Variants in ZSCAN5A observed in about 807,000 individuals in gnomAD.
The protein encoded by ZSCAN5A is zinc finger and SCAN domain-containing protein 5A.
In ZSCAN5A, 12 loss-of-function variants were observed where a neutral mutation model predicts 23.7. The ratio of observed to expected loss-of-function variants is 0.51; its 90% CI spans 0.32 to 0.82. ZSCAN5A has a LOEUF of 0.82. Among genes scored for constraint, ZSCAN5A ranks in the 40% least tolerant of loss-of-function variants. The pLI is 0.03. For synonymous variants in ZSCAN5A, 257 were observed against 239.9 expected (o/e 1.07, Z -0.66); for missense variants, 597 against 617.9 (o/e 0.97, Z 0.36).
intron 2 of ZSCAN5A, chr19:56,302,041 A>G: frequency 8.1e-7 from 1 of 1,231,994 alleles, no homozygotes; most frequent in Non-Finnish European, 1.0e-6. Context: ...ACTTCCTGAA[A>G]TGCGCCTACA....
chr19:56,229,049 C>A (rs201974046), intron 2 of ZSCAN5A, among the ~76,000 whole-genome samples: 44 of 152,060 alleles, frequency 2.9e-4, no homozygotes, highest in Admixed American at 1.1e-3. Context: ...CTCTCAAGCA[C>A]GAAAAGCCTT....
chr19:56,290,102 A>G (rs1017830321), intron 2 of ZSCAN5A, among the ~76,000 whole-genome samples: 1 of 152,238 alleles, frequency 6.6e-6, no homozygotes, highest in African/African-American at 2.4e-5. Flanking sequence ...TTTTTCAAAA[A>G]GACAGATTTC....
At chr19:56,302,033 T>G in intron 2 of ZSCAN5A, 1 of 1,232,012 alleles carries the variant, frequency 8.1e-7, no homozygotes, top group Non-Finnish European at 1.0e-6. Flanking sequence ...CACGTGGAAC[T>G]TCCTGAAATG....
intron 2 of ZSCAN5A, among the ~76,000 whole-genome samples, chr19:56,331,292 T>C (rs1471896829): frequency 6.6e-6 from 1 of 151,966 alleles, no homozygotes; most frequent in Non-Finnish European, 1.5e-5. Context: ...TATTCTTTGG[T>C]TTTAGATGAA....
At chr19:56,251,229 C>A (rs73621049) in intron 2 of ZSCAN5A, among the ~76,000 whole-genome samples, 1 of 151,352 alleles carries the variant, frequency 6.6e-6, no homozygotes, top group African/African-American at 2.4e-5. Flanking sequence ...GAAGACCCTT[C>A]TGTATTCAGT....
chr19:56,268,714 C>T (rs1207996459), intron 2 of ZSCAN5A, among the ~76,000 whole-genome samples: 1 of 152,046 alleles, frequency 6.6e-6, no homozygotes, highest in Admixed American at 6.6e-5. Flanking sequence ...GTTGTTCAAC[C>T]GTCACCCACA....
chr19:56,245,219 C>A (rs774907610), intron 2 of ZSCAN5A: 1 of 599,882 alleles, frequency 1.7e-6, no homozygotes, highest in East Asian at 3.3e-5. Context: ...TTTCTCTCTA[C>A]AGTCTGTGGT....
intron 2 of ZSCAN5A, among the ~76,000 whole-genome samples, chr19:56,250,578 T>C (rs2036266023): frequency 6.6e-6 from 1 of 152,158 alleles, no homozygotes; most frequent in South Asian, 2.1e-4. Context: ...CAGCTTTGCA[T>C]CAACTGAGCA....
At chr19:56,269,822 C>T (rs530588679) in intron 2 of ZSCAN5A, among the ~76,000 whole-genome samples, 4 of 152,226 alleles carry the variant, frequency 2.6e-5, no homozygotes, top group African/African-American at 4.8e-5. Flanking sequence ...CTCCTAGAGC[C>T]GGCAGAAGGA....
At chr19:56,324,391 C>CAACA (rs2041413161) in intron 2 of ZSCAN5A, among the ~76,000 whole-genome samples, 1 of 152,036 alleles carries the variant, frequency 6.6e-6, no homozygotes, top group African/African-American at 2.4e-5. Flanking sequence ...AAACTCTGTT[C>CAACA]AACATCAGCA....
chr19:56,334,149 A>C (rs2041514172), intron 2 of ZSCAN5A, among the ~76,000 whole-genome samples: 2 of 152,230 alleles, frequency 1.3e-5, no homozygotes, highest in Non-Finnish European at 2.9e-5. Flanking sequence ...CACCAGTGTC[A>C]ACCATGTACC....
chr19:56,270,026 CTG>C (rs2037736061), intron 2 of ZSCAN5A, among the ~76,000 whole-genome samples: 1 of 152,016 alleles, frequency 6.6e-6, no homozygotes, highest in South Asian at 2.1e-4. Flanking sequence ...GACTCAATGT[CTG>C]TGATTCTAAC....
chr19:56,359,952 C>A (rs1015958836), intron 2 of ZSCAN5A, among the ~76,000 whole-genome samples: 1 of 152,144 alleles, frequency 6.6e-6, no homozygotes, highest in Admixed American at 6.5e-5. Flanking sequence ...TTATGACAAA[C>A]CGACAGCCAG....
rs746444953 is a variant in ZSCAN5A, at chr19:56,245,452, G to T, written c.-127-20279C>A. 33 of 612,830 alleles carry T rather than the reference G, an allele frequency of 5.4e-5. No homozygotes were observed. The Middle Eastern group carries it at 2.4e-3, about 45-fold the overall frequency. The allele number at this position is 612,830 out of a possible 1,614,324, so 38.0% of individuals were successfully genotyped here. On this transcript the variant is annotated intron_variant, in intron 2 of 5. Coordinates refer to ENST00000683990, the MANE Select transcript of ZSCAN5A (RefSeq NM_001322064.3). ...TGAGTGTGTGAGGCCCTGGTGTCTG[G>T]GCAGAGGTGGGAGAAGGAACAGGAG...
intron 2 of ZSCAN5A, among the ~76,000 whole-genome samples, chr19:56,275,611 T>C (rs1157694889): frequency 2.6e-5 from 4 of 152,214 alleles, no homozygotes; most frequent in Admixed American, 6.5e-5. Flanking sequence ...TAACAGATTA[T>C]TTTTTGATGG....
intron 2 of ZSCAN5A, chr19:56,283,372 A>G (rs952808899): frequency 3.3e-5 from 5 of 152,142 alleles, no homozygotes; most frequent in African/African-American, 1.2e-4. Context: ...CTTTATTGAC[A>G]CAGATCCAAA....
Position 56,244,062 on chromosome 19 carries a change from C to G in ZSCAN5A, c.-127-18889G>C, listed in dbSNP as rs2035647706. The G allele has an allele frequency of 6.4e-6, 7 of 1,091,698 alleles. No individual in the cohort carries two copies. In the Admixed American group the frequency reaches 1.4e-4, roughly 22 times the overall value. 67.6% of individuals were successfully genotyped at this position (1,091,698 alleles called of 1,614,324 possible). ...CCAGATATGGCTGCAAATTGCAACT[C>G]CTCATGGGGTCAGGGAGGACCCTGC... On this transcript the variant is annotated intron_variant, in intron 2 of 5. Transcript: ENST00000683990.
chr19:56,295,191 G>A (rs1428403709), intron 2 of ZSCAN5A: 1 of 152,162 alleles, frequency 6.6e-6, no homozygotes, highest in African/African-American at 2.4e-5. Flanking sequence ...TAATATACCA[G>A]TCAAGTTGTT....
intron 2 of ZSCAN5A, chr19:56,272,869 T>C: frequency 2.0e-6 from 2 of 985,438 alleles, no homozygotes; most frequent in Non-Finnish European, 2.4e-6. Context: ...AAAATGTCGC[T>C]GCTGATTCTG....
Sources: allele counts gnomAD v4.1 joint callset (sites outside exome capture counted in the v4.1 genomes callset), GRCh38; gene constraint gnomAD v4.1.1; transcripts MANE v1.5; gene names NCBI Gene and HGNC (gene_info 2026-07-23, HGNC 2026-07-21).